The following UBR3 variants were observed in gnomAD, a reference collection of about 807,000 sequenced individuals.
UBR3 encodes ubiquitin protein ligase E3 component n-recognin 3.
A neutral mutation model predicts 243.2 loss-of-function variants in UBR3; 85 were observed. The observed-to-expected ratio is 0.35, with a 90% CI of 0.29 to 0.42. The LOEUF is 0.42. UBR3 is among the 10% of genes least tolerant of loss of function. UBR3 has a pLI of 1.00. For synonymous variants in UBR3, 748 were observed against 799.8 expected, an observed-to-expected ratio of 0.94 and a Z score of 1.09; for missense variants, 1,686 against 2,300.8, an observed-to-expected ratio of 0.73 and a Z score of 5.47.
At chr2:170,060,718 G>A (rs2091440226) in intron 33 of UBR3, among the ~76,000 whole-genome samples, 1 of 151,966 alleles carries the variant, frequency 6.6e-6, no homozygotes, top group Non-Finnish European at 1.5e-5. Flanking sequence ...TGCTGTAATA[G>A]TGCTGTACTG....
intron 27 of UBR3, among the ~76,000 whole-genome samples, chr2:170,005,922 A>G (rs1160934576): frequency 6.6e-6 from 1 of 152,104 alleles, no homozygotes; most frequent in Non-Finnish European, 1.5e-5. Flanking sequence ...AAGACAAGGG[A>G]ATGCAGGAGT....
intron 1 of UBR3, among the ~76,000 whole-genome samples, chr2:169,828,419 C>T (rs192640561): frequency 7.0e-4 from 107 of 152,144 alleles, no homozygotes; most frequent in African/African-American, 2.5e-3. Context: ...GGCTGTAAAG[C>T]CTGGTTCTTG....
At chr2:170,049,025 C>T (rs1346822859) in intron 32 of UBR3, among the ~76,000 whole-genome samples, 1 of 151,690 alleles carries the variant, frequency 6.6e-6, no homozygotes, top group Admixed American at 6.6e-5. Flanking sequence ...TACAGTTGAC[C>T]CTTGAACAAC....
At chr2:169,937,955 C>T (rs1383096281) in intron 19 of UBR3, among the ~76,000 whole-genome samples, 1 of 152,086 alleles carries the variant, frequency 6.6e-6, no homozygotes, top group East Asian at 1.9e-4. Context: ...AGAGACAAGG[C>T]CTAGGGACTC....
At position 170,008,028 on chromosome 2, in the gene UBR3, T is replaced by C. The variant is rs535220741; in HGVS notation, c.4231-776T>C. Reference sequence around the variant, plus strand: ...ATATTTACACAGACATGCACATGTATTTACTGTGTGTATGTGTATTCGAGA... The same window carrying C: ...ATATTTACACAGACATGCACATGTACTTACTGTGTGTATGTGTATTCGAGA... On this transcript the variant is annotated intron_variant, in intron 28 of 38. Transcript: ENST00000272793. Among the ~76,000 whole-genome samples, 158 of 152,330 alleles carry C rather than the reference T, an allele frequency of 1.0e-3. 1 individual carries two copies. The highest frequency in any genetic ancestry group is 1.6e-3 in the Non-Finnish European group (109 of 68,034).
At chr2:170,030,120 A>T (rs1262637322) in intron 31 of UBR3, among the ~76,000 whole-genome samples, 1 of 152,078 alleles carries the variant, frequency 6.6e-6, no homozygotes, top group East Asian at 1.9e-4. Flanking sequence ...ACTCCATTTC[A>T]ATCTTTCCTC....
intron 1 of UBR3, among the ~76,000 whole-genome samples, chr2:169,857,064 G>GTTTTGTTTTTTTTTTTT (rs1255937396): frequency 5.3e-5 from 3 of 56,082 alleles, no homozygotes; most frequent in East Asian, 8.7e-4. Flanking sequence ...ATTTTATTAT[G>GTTTTGTTTTTTTTTTTT]TTTTTTTTTT....
At chr2:169,881,617 T>C (rs1176158161) in intron 5 of UBR3, among the ~76,000 whole-genome samples, 1 of 146,716 alleles carries the variant, frequency 6.8e-6, no homozygotes, top group East Asian at 1.9e-4. Context: ...ATGTTTCTTT[T>C]TTTTTTTTTT....
chr2:169,833,407 G>C (rs185016148), intron 1 of UBR3, among the ~76,000 whole-genome samples: 2 of 152,150 alleles, frequency 1.3e-5, no homozygotes, highest in African/African-American at 4.8e-5. Flanking sequence ...CTCCTTAAAA[G>C]ATAAGGACCA....
intron 1 of UBR3, among the ~76,000 whole-genome samples, chr2:169,855,604 C>T (rs1214442633): frequency 1.3e-5 from 2 of 152,130 alleles, no homozygotes; most frequent in African/African-American, 4.8e-5. Flanking sequence ...CATCTTGCAC[C>T]GCCCTTAATC....
chr2:169,855,959 G>A (rs545126365), intron 1 of UBR3, among the ~76,000 whole-genome samples: 12 of 151,864 alleles, frequency 7.9e-5, no homozygotes, highest in African/African-American at 2.7e-4. Flanking sequence ...CGGACGGGGC[G>A]GCTGGCCGGG....
At chr2:170,008,116 T>G (rs2089978686) in intron 28 of UBR3, among the ~76,000 whole-genome samples, 2 of 152,190 alleles carry the variant, frequency 1.3e-5, no homozygotes. Context: ...AGGGGGGAAC[T>G]CATCTTTTAT....
Position 170,049,231 on chromosome 2 carries a change from C to G in UBR3, c.4661-6229C>G, listed in dbSNP as rs1460101099. ...TTATATGTATTACGTACTTTATTCT[C>G]ACAATGTAAGGCTAGAGAAAAGAAA... On this transcript the variant is annotated intron_variant, in intron 32 of 38. Transcript: ENST00000272793. Among the ~76,000 whole-genome samples the G allele has an allele frequency of 9.2e-5, 14 of 152,250 alleles. No individual in the cohort carries two copies. In the South Asian group the frequency reaches 1.9e-3, roughly 20 times the overall value.
At position 169,828,000 on chromosome 2, in the gene UBR3, C is replaced by A; in HGVS notation, c.493C>A (p.Gln165Lys). 1 of 1,425,118 alleles carries A rather than the reference C, an allele frequency of 7.0e-7. No individual in the cohort carries two copies. Among genetic ancestry groups the A allele is most frequent in the South Asian group, 1.4e-5 (1 of 72,052 alleles). The allele number at this position is 1,425,118 out of a possible 1,614,324, so 88.3% of individuals were successfully genotyped here. A position where few individuals can be genotyped will look rare whatever the true frequency, so the allele number is the denominator to read the frequency against. Reference sequence around the variant, plus strand: ...ACACGACTTCAACATGTTCCGCAGCCAGGCCGGGGGCGCCTGCGACTGCGG... The same window carrying A: ...ACACGACTTCAACATGTTCCGCAGCAAGGCCGGGGGCGCCTGCGACTGCGG... Reference protein sequence around the residue: ...TGHDFNMFRSQAGGACDCGDS... With the variant: ...TGHDFNMFRSKAGGACDCGDS... The change falls in exon 1 of 39, where the codon CAG becomes AAG. Residue 165 changes from glutamine to lysine, a missense_variant. Gln to Lys is a moderately conservative substitution (Grantham distance 53). This residue lies in a region of UBR3 where 145 missense variants were observed against 243.8 expected (regional missense o/e 0.59). Coordinates refer to ENST00000272793, the MANE Select transcript of UBR3 (RefSeq NM_172070.4).
At chr2:170,074,294 A>G (rs1469429579) in intron 36 of UBR3, among the ~76,000 whole-genome samples, 2 of 152,218 alleles carry the variant, frequency 1.3e-5, no homozygotes, top group African/African-American at 4.8e-5. Flanking sequence ...TGTAAGAGAC[A>G]TTTGAGAAAA....
intron 1 of UBR3, among the ~76,000 whole-genome samples, chr2:169,866,150 C>CAAAAAAAAAAAAAA (rs578054467): frequency 1.9e-5 from 1 of 53,380 alleles, no homozygotes; most frequent in Non-Finnish European, 2.9e-5. Flanking sequence ...GACTGTGTCT[C>CAAAAAAAAAAAAAA]AAAAAAAAAA....
At chr2:170,004,839 A>C (rs2089850768) in intron 27 of UBR3, among the ~76,000 whole-genome samples, 1 of 151,964 alleles carries the variant, frequency 6.6e-6, no homozygotes, top group African/African-American at 2.4e-5. Flanking sequence ...TAAACCCGGG[A>C]GGTGGAGGTT....
intron 35 of UBR3, among the ~76,000 whole-genome samples, chr2:170,068,934 G>C (rs72876456): frequency 6.6e-6 from 1 of 152,096 alleles, no homozygotes; most frequent in African/African-American, 2.4e-5. Flanking sequence ...CTGAATATAT[G>C]TATATCAAGT....
chr2:169,883,899 T>C (rs545152029), intron 5 of UBR3, among the ~76,000 whole-genome samples: 2 of 152,304 alleles, frequency 1.3e-5, no homozygotes, highest in Non-Finnish European at 1.5e-5. Flanking sequence ...AGTGGTGTGA[T>C]CTTGGCTCAC....
Sources: gnomAD v4.1 joint callset for allele counts (sites outside exome capture counted in the v4.1 genomes callset) on GRCh38, gnomAD v4.1.1 for gene constraint, gnomAD v4.1.1 regional missense constraint, MANE v1.5 for transcripts, NCBI Gene and HGNC (gene_info 2026-07-23, HGNC 2026-07-21) for gene names.